The following MAP2K2 variants were observed in gnomAD, a reference collection of about 807,000 sequenced individuals.
The protein encoded by MAP2K2 is dual specificity mitogen-activated protein kinase kinase 2.
MAP2K2 carries 24 observed loss-of-function variants against 43.7 expected under a neutral mutation model. The ratio of observed to expected loss-of-function variants is 0.55; its 90% CI spans 0.40 to 0.77. The LOEUF (loss-of-function observed/expected upper bound fraction) is 0.77. Ranked by LOEUF, MAP2K2 falls within the 30% of genes least tolerant of loss-of-function variation. The probability of loss-of-function intolerance (pLI) is 0.00; values close to 1 mark genes in which losing one functional copy is unlikely to be tolerated. For missense variants in MAP2K2, 470 were observed against 566.8 expected (o/e 0.83, Z 1.73); for synonymous variants, 244 against 239.7 (o/e 1.02, Z -0.17).
intron 9 of MAP2K2, chr19:4,095,130 A>G: frequency 2.1e-6 from 1 of 477,332 alleles, no homozygotes; most frequent in Non-Finnish European, 3.8e-6. Flanking sequence ...GCAGACAGTG[A>G]GCTGGGGACA....
At chr19:4,095,589 CCT>C (rs1449547536) in intron 8 of MAP2K2, 140 bp from the exon 9 acceptor site, 11 of 633,244 alleles carry the variant, frequency 1.7e-5, no homozygotes, top group Admixed American at 1.6e-4. Context: ...TGGGCTGCAC[CCT>C]GTCAGAGGTG....
Position 4,103,987 on chromosome 19 carries a change from G to A in MAP2K2, c.451-1534C>T, listed in dbSNP as rs187783105. On this transcript the variant is annotated intron_variant, in intron 3 of 10. Transcript: ENST00000262948. ...TTAAAATGAGGCCGGACATGGGCTG[G>A]GAGCGGTGACTCACGCCTGTAATGC... 7.9e-5 allele frequency among the ~76,000 whole-genome samples: 12 copies of A among 152,328 alleles called. No individual in the cohort carries two copies. The East Asian group carries it at 2.1e-3, about 27-fold the overall frequency.
Position 4,101,305 on chromosome 19 carries a change from A to C in MAP2K2, c.529-25T>G. The C allele has an allele frequency of 6.4e-7, 1 of 1,566,718 alleles. No individual in the cohort carries two copies. The highest frequency in any genetic ancestry group is 8.6e-7 in the Non-Finnish European group (1 of 1,156,160). ...CCTGCAGGGGAGCGCGGAGGGAGTC[A>C]CGGGACAAGGCCACCAGGGCTTAGC... On this transcript the variant is annotated intron_variant, in intron 4 of 10. Transcript: ENST00000262948. The surrounding 1 kb of genome is among the most constrained non-coding windows in gnomAD (Gnocchi z 6.3).
chr19:4,112,171 G>A (rs1185429426), intron 2 of MAP2K2, among the ~76,000 whole-genome samples: 3 of 152,240 alleles, frequency 2.0e-5, no homozygotes, highest in Admixed American at 2.0e-4. Flanking sequence ...ATCCGCCACA[G>A]AGGCAAAGCC....
At chr19:4,118,713 T>C (rs2145082537) in intron 1 of MAP2K2, among the ~76,000 whole-genome samples, 1 of 152,040 alleles carries the variant, frequency 6.6e-6, no homozygotes, top group South Asian at 2.1e-4. Context: ...GCCCAGGAGG[T>C]CGAGACTGCA....
chr19:4,105,494 G>C (rs905929634), intron 3 of MAP2K2, among the ~76,000 whole-genome samples: 1 of 151,956 alleles, frequency 6.6e-6, no homozygotes, highest in East Asian at 1.9e-4. Flanking sequence ...GGATGGTCTC[G>C]ATCTCCTGAC....
At chr19:4,094,172 T>G (rs943061600) in intron 10 of MAP2K2, among the ~76,000 whole-genome samples, 4 of 152,172 alleles carry the variant, frequency 2.6e-5, no homozygotes, top group Admixed American at 1.3e-4. Context: ...TCTCATCCTG[T>G]GGGTGCGGGA....
At chr19:4,100,237 CTG>C (rs1431830341) in intron 6 of MAP2K2, 1 of 152,030 alleles carries the variant, frequency 6.6e-6, no homozygotes, top group Non-Finnish European at 1.5e-5. Context: ...GAGTGTGAGA[CTG>C]TGTCTCAAAA....
rs1475839076 is a variant in MAP2K2, at chr19:4,090,501, G to A, written c.*97C>T. On this transcript the variant is annotated 3_prime_UTR_variant, in exon 11 of 11. Transcript: ENST00000262948. ...CTCTCCGCAGGGGTGAGGCAGGAGGGTGGGTGGAGGCGCCAGCCTGTCCTC... is the reference window on the plus strand; with the variant it reads ...CTCTCCGCAGGGGTGAGGCAGGAGGATGGGTGGAGGCGCCAGCCTGTCCTC... 5 of 1,037,380 alleles carry A rather than the reference G, an allele frequency of 4.8e-6. No homozygotes were observed. In the Admixed American group the frequency reaches 8.0e-5, roughly 17 times the overall value. 64.3% of individuals were successfully genotyped at this position (1,037,380 alleles called of 1,614,324 possible).
rs745572112 is a variant in MAP2K2 at position 4,102,498 on chromosome 19, C to T, written c.451-45G>A. The T allele has an allele frequency of 9.4e-5, 132 of 1,410,506 alleles. No individual in the cohort carries two copies. In the Admixed American group the frequency reaches 1.7e-3, roughly 18 times the overall value. 87.4% of individuals were successfully genotyped at this position (1,410,506 alleles called of 1,614,324 possible). A position where few individuals can be genotyped will look rare whatever the true frequency, so the allele number is the denominator to read the frequency against. On this transcript the variant is annotated intron_variant, in intron 3 of 10. Coordinates refer to ENST00000262948, the MANE Select transcript of MAP2K2 (RefSeq NM_030662.4). Reference sequence around the variant, plus strand: ...TGAGTGCAGGCTCTGCGCAGGTGGCCGGGAAGCCACGGATGCGTCCCCCCA... The same window carrying T: ...TGAGTGCAGGCTCTGCGCAGGTGGCTGGGAAGCCACGGATGCGTCCCCCCA...
chr19:4,095,125 C>G, intron 9 of MAP2K2: 1 of 457,606 alleles, frequency 2.2e-6, no homozygotes. Context: ...CTGCTGCAGA[C>G]AGTGAGCTGG....
intron 1 of MAP2K2, among the ~76,000 whole-genome samples, chr19:4,118,488 A>G (rs1356828159): frequency 6.6e-6 from 1 of 152,204 alleles, no homozygotes; most frequent in African/African-American, 2.4e-5. Context: ...CTGAGACACG[A>G]GAACTGCTTG....
At chr19:4,095,035 C>A in intron 9 of MAP2K2, 2 of 364,242 alleles carry the variant, frequency 5.5e-6, no homozygotes, top group Non-Finnish European at 1.0e-5. Flanking sequence ...GGGCTGGCGA[C>A]CCTCCCAGAA....
In MAP2K2 at chr19:4,090,727, C is replaced by T. The variant is rs571595941; in HGVS notation, c.1093-19G>A. 9.9e-6 allele frequency: 15 copies of T among 1,511,542 alleles called. No individual in the cohort carries two copies. The highest frequency in any genetic ancestry group is 3.4e-4 in the Middle Eastern group (2 of 5,924). 93.6% of individuals were successfully genotyped at this position (1,511,542 alleles called of 1,614,324 possible). ...TGTGGTTCTGCAAGGAAAGGGGAGC[C>T]GTGAGCACCCGGGCCTGGAGTCACA... On this transcript the variant is annotated intron_variant, in intron 10 of 10. Transcript: ENST00000262948.
chr19:4,090,447 C>T lies in MAP2K2; in HGVS notation c.*151G>A. 1.4e-6 allele frequency: 1 copy of T among 706,820 alleles called. No individual in the cohort carries two copies. Among genetic ancestry groups the T allele is most frequent in the Non-Finnish European group, 2.5e-6 (1 of 399,174 alleles). The allele number at this position is 706,820 out of a possible 1,614,324, so 43.8% of individuals were successfully genotyped here. A position where few individuals can be genotyped will look rare whatever the true frequency, so the allele number is the denominator to read the frequency against. ...ACGGGCAGGAGAGGAGACCCCCGTTCCTGCATGCGCTGTCGCCCCGCCACG... is the reference window on the plus strand; with the variant it reads ...ACGGGCAGGAGAGGAGACCCCCGTTTCTGCATGCGCTGTCGCCCCGCCACG... On this transcript the variant is annotated 3_prime_UTR_variant, in exon 11 of 11. Transcript: ENST00000262948.
intron 2 of MAP2K2, among the ~76,000 whole-genome samples, chr19:4,112,471 G>A (rs531023614): frequency 1.3e-5 from 2 of 152,230 alleles, no homozygotes; most frequent in Non-Finnish European, 2.9e-5. Context: ...AGGAGCCCTC[G>A]CTGTGTTCAG....
chr19:4,093,363 T>C lies in MAP2K2; in HGVS notation c.1092+1090A>G, dbSNP rs1231397334. Reference sequence around the variant, plus strand: ...AGTGAGCTACAATCGCACCACTGCATTCCAGCCTGGGGGACAGAGCAAGGC... The same window carrying C: ...AGTGAGCTACAATCGCACCACTGCACTCCAGCCTGGGGGACAGAGCAAGGC... On this transcript the variant is annotated intron_variant, in intron 10 of 10. Transcript: ENST00000262948. Among the ~76,000 whole-genome samples, 12 of 152,168 alleles carry C rather than the reference T, an allele frequency of 7.9e-5. No homozygotes were observed. The East Asian group carries it at 2.1e-3, about 27-fold the overall frequency.
chr19:4,109,329 C>T (rs1167711961), intron 3 of MAP2K2, among the ~76,000 whole-genome samples: 1 of 152,170 alleles, frequency 6.6e-6, no homozygotes, highest in Admixed American at 6.5e-5. Flanking sequence ...GGTGCCTGTA[C>T]CCCACCCTAG....
At chr19:4,121,948 T>C (rs1402902867) in intron 1 of MAP2K2, among the ~76,000 whole-genome samples, 1 of 109,854 alleles carries the variant, frequency 9.1e-6, no homozygotes, top group Admixed American at 1.0e-4. Flanking sequence ...CTCTCTTCCC[T>C]TTTCCCTGGT....
Sources: allele counts gnomAD v4.1 joint callset (sites outside exome capture counted in the v4.1 genomes callset), GRCh38; gene constraint gnomAD v4.1.1; non-coding constraint Gnocchi (gnomAD v3.1); transcripts MANE v1.5; gene names NCBI Gene and HGNC (gene_info 2026-07-23, HGNC 2026-07-21).